CPNE4: variants seen among roughly 807,000 people sequenced by gnomAD.
CPNE4 encodes the protein copine 4, also known as copine-4.
In CPNE4, 25 loss-of-function variants were observed where a neutral mutation model predicts 67.9. The ratio of observed to expected loss-of-function variants is 0.37; its 90% CI spans 0.27 to 0.51. The LOEUF is 0.51. Among genes scored for constraint, CPNE4 ranks in the 20% least tolerant of loss-of-function variants. CPNE4 has a pLI of 0.93. For synonymous variants in CPNE4, 242 were observed against 244.9 expected (o/e 0.99, Z 0.11); for missense variants, 464 against 690.8 (o/e 0.67, Z 3.68).
At chr3:131,964,101 C>T (rs1308747790) in intron 1 of CPNE4, among the ~76,000 whole-genome samples, 1 of 152,140 alleles carries the variant, frequency 6.6e-6, no homozygotes. Flanking sequence ...AGTGGGCCTC[C>T]AGCAAACTTC....
At chr3:131,542,844 A>G (rs374315196) in intron 14 of CPNE4, 51 bp from the exon 15 acceptor site, 8 of 1,328,594 alleles carry the variant, frequency 6.0e-6, no homozygotes, top group African/African-American at 4.3e-5. Flanking sequence ...GGTGAGGGAG[A>G]CAAGGACAAT....
At chr3:131,743,049 G>A (rs2368968) in intron 2 of CPNE4, among the ~76,000 whole-genome samples, 91,660 of 151,936 alleles carry the variant, frequency 0.6, 27,825 homozygotes, top group Non-Finnish European at 0.63. Flanking sequence ...ATTAGAAGTA[G>A]TAAGTAAATT....
intron 11 of CPNE4, among the ~76,000 whole-genome samples, chr3:131,560,403 A>G (rs1559897842): frequency 6.6e-6 from 1 of 152,012 alleles, no homozygotes; most frequent in African/African-American, 2.4e-5. Context: ...ATGATTCAGA[A>G]AAAGGAGAAC....
rs1936237538 is a variant in CPNE4, at chr3:131,552,499, C to T, written c.1117-8G>A. ...TGCAAAGTCATGAGAGACCTAGACACCGATTAAAATTTAAAAAACAGGAAG... is the reference window on the plus strand; with the variant it reads ...TGCAAAGTCATGAGAGACCTAGACATCGATTAAAATTTAAAAAACAGGAAG... On this transcript the variant is annotated splice_polypyrimidine_tract_variant and splice_region_variant and intron_variant, in intron 12 of 15. Transcript: ENST00000429747. 24 of 1,610,256 alleles carry T rather than the reference C, an allele frequency of 1.5e-5. No homozygotes were observed. The highest frequency in any genetic ancestry group is 2.0e-5 in the Non-Finnish European group (24 of 1,177,334).
chr3:131,811,393 T>C (rs1429319536), intron 2 of CPNE4, among the ~76,000 whole-genome samples: 2 of 152,062 alleles, frequency 1.3e-5, no homozygotes, highest in Non-Finnish European at 2.9e-5. Flanking sequence ...AATATATATA[T>C]ATAAAGATGT....
chr3:131,670,455 A>T (rs1466887606), intron 6 of CPNE4, among the ~76,000 whole-genome samples: 1 of 152,240 alleles, frequency 6.6e-6, no homozygotes, highest in Admixed American at 6.5e-5. Context: ...CTAAGAATCT[A>T]TATGAGTCAA....
intron 15 of CPNE4, among the ~76,000 whole-genome samples, chr3:131,536,512 A>T (rs1009844702): frequency 2.0e-5 from 3 of 152,248 alleles, no homozygotes; most frequent in Admixed American, 2.0e-4. Flanking sequence ...ACTGAATACC[A>T]TGTGACCTGG....
chr3:131,721,207 A>G (rs2081874140), intron 3 of CPNE4, among the ~76,000 whole-genome samples: 1 of 152,118 alleles, frequency 6.6e-6, no homozygotes, highest in Admixed American at 6.5e-5. Context: ...CCACAGTGTC[A>G]CTGGCACCTA....
At chr3:131,876,653 A>AGAAAGAAAG (rs1553794945) in intron 2 of CPNE4, among the ~76,000 whole-genome samples, 1 of 140,678 alleles carries the variant, frequency 7.1e-6, no homozygotes. Context: ...AAAAAAAAAA[A>AGAAAGAAAG]AAAGAAAGAA....
rs56741596 is a variant in CPNE4 at position 131,631,879 on chromosome 3, C to G, written c.681+37796G>C. Among the ~76,000 whole-genome samples the G allele has an allele frequency of 3.6e-3, 543 of 150,698 alleles. 3 individuals are homozygous for G. The highest frequency in any genetic ancestry group is 0.012 in the African/African-American group (492 of 40,668). Reference sequence around the variant, plus strand: ...AGGTGCTTTACACGTAATTATCCCCCCTCCCCAACACTTTTTTCTTTTTTC... The same window carrying G: ...AGGTGCTTTACACGTAATTATCCCCGCTCCCCAACACTTTTTTCTTTTTTC... On this transcript the variant is annotated intron_variant, in intron 7 of 15. Coordinates refer to ENST00000429747, the MANE Select transcript of CPNE4 (RefSeq NM_130808.3).
rs56412825 is a variant in CPNE4, at chr3:131,547,455, C to CAAAAA, written c.1302+2487_1302+2491dup. 1.1e-4 allele frequency among the ~76,000 whole-genome samples: 4 copies of CAAAAA among 36,544 alleles called. 2 individuals carry two copies. Among genetic ancestry groups the CAAAAA allele is most frequent in the African/African-American group, 1.7e-4 (2 of 11,688 alleles). The allele number at this position is 36,544 out of a possible 152,430, so 24.0% of individuals were successfully genotyped here. A position where few individuals can be genotyped will look rare whatever the true frequency, so the allele number is the denominator to read the frequency against. ...TGGGTGATAGACCAAGACCCTGTCG[C>CAAAAA]AAAAAAAAAAAAAAAAAAAAAAAAA... On this transcript the variant is annotated intron_variant, in intron 14 of 15. Transcript: ENST00000429747.
chr3:131,566,431 G>GAA (rs559494454), intron 10 of CPNE4, among the ~76,000 whole-genome samples: 3 of 137,238 alleles, frequency 2.2e-5, no homozygotes, highest in African/African-American at 2.7e-5. Flanking sequence ...AACCCACCAG[G>GAA]AAAAAAAAAA....
intron 15 of CPNE4, 58 bp downstream of exon 15, chr3:131,542,499 G>T: frequency 8.8e-7 from 1 of 1,138,622 alleles, no homozygotes; most frequent in Non-Finnish European, 1.3e-6. Flanking sequence ...AATGTGGGAG[G>T]TGAGCATGCT....
At chr3:131,864,615 A>G (rs2086851373) in intron 2 of CPNE4, among the ~76,000 whole-genome samples, 1 of 130,746 alleles carries the variant, frequency 7.6e-6, no homozygotes, top group Non-Finnish European at 1.6e-5. Flanking sequence ...GGCTGAGATG[A>G]TGGGGTTTTC....
At chr3:131,659,122 C>T (rs13065904) in intron 7 of CPNE4, among the ~76,000 whole-genome samples, 50,213 of 152,054 alleles carry the variant, frequency 0.33, 8,662 homozygotes, top group African/African-American at 0.4. Context: ...TATAGAGTAT[C>T]TCATATTAAA....
At chr3:131,557,488 A>T (rs75349869) in intron 11 of CPNE4, among the ~76,000 whole-genome samples, 6,808 of 152,150 alleles carry the variant, frequency 0.045, 499 homozygotes, top group African/African-American at 0.15. Context: ...CTTTACCAAA[A>T]CATAGCCAAT....
At chr3:131,622,433 A>T (rs1219072625) in intron 7 of CPNE4, among the ~76,000 whole-genome samples, 2 of 152,236 alleles carry the variant, frequency 1.3e-5, no homozygotes, top group Non-Finnish European at 2.9e-5. Context: ...ACATATTGTG[A>T]ATCCTATCCT....
chr3:131,715,441 G>A (rs2081660172), intron 3 of CPNE4, among the ~76,000 whole-genome samples: 1 of 152,364 alleles, frequency 6.6e-6, no homozygotes, highest in South Asian at 2.1e-4. Context: ...TTAGTGACAA[G>A]CTATTAGAAT....
upstream of CPNE4, chr3:132,035,184 G>T: frequency 3.1e-6 from 1 of 319,100 alleles, no homozygotes; most frequent in Non-Finnish European, 4.5e-6. Context: ...CGCAGTCTGG[G>T]CTTTCTGCTC....
Sources: gnomAD v4.1 joint callset for allele counts (sites outside exome capture counted in the v4.1 genomes callset) on GRCh38, gnomAD v4.1.1 for gene constraint, MANE v1.5 for transcripts, NCBI Gene and HGNC (gene_info 2026-07-23, HGNC 2026-07-21) for gene names.